Variants in SLC22A3 observed in about 807,000 individuals in gnomAD.
SLC22A3 encodes solute carrier family 22 member 3, also known as EMT organic cation transporter 3.
In SLC22A3, 51 loss-of-function variants were observed where a neutral mutation model predicts 59.1. The ratio of observed to expected loss-of-function variants is 0.86; its 90% confidence interval spans 0.69 to 1.09. The LOEUF (loss-of-function observed/expected upper bound fraction) is 1.09. SLC22A3 is among the 50% of genes least tolerant of loss of function. The pLI, the probability that SLC22A3 is intolerant of heterozygous loss-of-function variation, is 0.00. For missense variants in SLC22A3, 711 were observed against 726.3 expected, an observed-to-expected ratio of 0.98 and a Z score of 0.24; for synonymous variants, 325 against 292.0, an observed-to-expected ratio of 1.11 and a Z score of -1.15.
intron 5 of SLC22A3, among the ~76,000 whole-genome samples, chr6:160,417,357 A>G (rs1214182294): frequency 6.6e-6 from 1 of 152,182 alleles, no homozygotes; most frequent in Non-Finnish European, 1.5e-5. Context: ...GCAGCAGCTG[A>G]CCTACAGCTG....
intron 1 of SLC22A3, among the ~76,000 whole-genome samples, chr6:160,385,226 G>C (rs1785955725): frequency 6.6e-6 from 1 of 152,162 alleles, no homozygotes; most frequent in African/African-American, 2.4e-5. Context: ...CTCCAGTTCT[G>C]CTCTTCTGAA....
At chr6:160,450,861 ATTG>A (rs1316764810) in intron 10 of SLC22A3, 132 bp from the exon 11 acceptor site, 2 of 824,156 alleles carry the variant, frequency 2.4e-6, no homozygotes, top group African/African-American at 1.7e-5. Context: ...GGAGACAGAT[ATTG>A]TTGTTACCTT....
chr6:160,429,612 T>C (rs773293584), intron 5 of SLC22A3, among the ~76,000 whole-genome samples: 13 of 152,290 alleles, frequency 8.5e-5, no homozygotes, highest in Middle Eastern at 3.4e-3. Flanking sequence ...GCAGTTAAAA[T>C]GCAGATTCTC....
At chr6:160,397,677 T>C (rs1786543499) in intron 1 of SLC22A3, among the ~76,000 whole-genome samples, 1 of 140,614 alleles carries the variant, frequency 7.1e-6, no homozygotes, top group East Asian at 2.1e-4. Context: ...GAGGTTGCAG[T>C]AAGCAGAGAT....
In SLC22A3 at chr6:160,397,838, C is replaced by T. The variant is rs189288020; in HGVS notation, c.430-141C>T. On this transcript the variant is annotated intron_variant, in intron 1 of 10. Transcript: ENST00000275300. ...ATATTTATGTGTTAATGTAAACATA[C>T]GTATGTGATACATTTTCAAAATTTA... is the stretch of plus-strand genomic sequence containing the variant. 1,048 of 699,584 alleles carry T rather than the reference C, an allele frequency of 1.5e-3. 5 individuals are homozygous for T. In the African/African-American group the frequency reaches 0.016, roughly 11 times the overall value. 43.3% of individuals were successfully genotyped at this position (699,584 alleles called of 1,614,324 possible). A position where few individuals can be genotyped will look rare whatever the true frequency, so the allele number is the denominator to read the frequency against.
chr6:160,349,117 G>A lies in SLC22A3; in HGVS notation c.429+269G>A, dbSNP rs558994087. The A allele has an allele frequency of 1.0e-4, 100 of 972,608 alleles. No individual in the cohort carries two copies. In the African/African-American group the frequency reaches 1.7e-3, roughly 17 times the overall value. 60.2% of individuals were successfully genotyped at this position (972,608 alleles called of 1,614,324 possible). Reference sequence around the variant, plus strand: ...GTGAACAAAAACTTTCTTCGAAGCCGAGTTGTAAACGCCTGGCGCACGCCT... The same window carrying A: ...GTGAACAAAAACTTTCTTCGAAGCCAAGTTGTAAACGCCTGGCGCACGCCT... On this transcript the variant is annotated intron_variant, in intron 1 of 10. Coordinates refer to ENST00000275300, the MANE Select transcript of SLC22A3 (RefSeq NM_021977.4).
intron 1 of SLC22A3, among the ~76,000 whole-genome samples, chr6:160,393,979 A>G (rs934873458): frequency 6.6e-6 from 1 of 152,268 alleles, no homozygotes; most frequent in Non-Finnish European, 1.5e-5. Flanking sequence ...ACATTACACC[A>G]ACAGTTGTTT....
intron 1 of SLC22A3, among the ~76,000 whole-genome samples, chr6:160,380,113 T>G (rs1785741980): frequency 6.6e-6 from 1 of 152,150 alleles, no homozygotes; most frequent in South Asian, 2.1e-4. Context: ...GAAGGTCTGT[T>G]AGACATTTCA....
intron 1 of SLC22A3, among the ~76,000 whole-genome samples, chr6:160,365,509 G>T (rs1785174566): frequency 6.6e-6 from 1 of 152,182 alleles, no homozygotes; most frequent in Admixed American, 6.5e-5. Flanking sequence ...TCTAACACTT[G>T]CAGTTCCCAG....
chr6:160,436,782 C>G lies in SLC22A3; in HGVS notation c.978C>G (p.Ile326Met). 6.3e-7 allele frequency: 1 copy of G among 1,599,534 alleles called. No individual in the cohort carries two copies. Among genetic ancestry groups the G allele is most frequent in the Non-Finnish European group, 8.6e-7 (1 of 1,167,804 alleles). ...GKYLSSNYSE[I>M]TVTDEEVSNP... ...TGAAATCTGCTTTTCTTATATAGAT[C>G]ACTGTTACAGATGAGGAAGTTAGTA... Residue 326 changes from isoleucine to methionine, a missense_variant and splice_region_variant, in exon 6 of 11, where the codon ATC (isoleucine) becomes ATG (methionine). Ile to Met is a conservative substitution (Grantham distance 10). Coordinates refer to ENST00000275300, the MANE Select transcript of SLC22A3 (RefSeq NM_021977.4).
intron 2 of SLC22A3, among the ~76,000 whole-genome samples, chr6:160,398,614 A>G (rs1302486280): frequency 6.6e-6 from 1 of 152,162 alleles, no homozygotes; most frequent in East Asian, 1.9e-4. Context: ...CATAAATGCA[A>G]CTGCCCAGTG....
intron 5 of SLC22A3, among the ~76,000 whole-genome samples, chr6:160,429,494 G>A (rs1161887028): frequency 2.0e-5 from 3 of 152,108 alleles, no homozygotes; most frequent in African/African-American, 4.8e-5. Context: ...GAGGACTCAC[G>A]TTTCTGCACC....
intron 5 of SLC22A3, among the ~76,000 whole-genome samples, chr6:160,432,971 A>C (rs1400823722): frequency 6.6e-6 from 1 of 152,174 alleles, no homozygotes; most frequent in Non-Finnish European, 1.5e-5. Flanking sequence ...TTTCTCCAGC[A>C]CTAAGCCTCT....
chr6:160,443,062 A>G (rs1219124153), intron 8 of SLC22A3, among the ~76,000 whole-genome samples, 193 bp downstream of exon 8: 1 of 152,248 alleles, frequency 6.6e-6, no homozygotes, highest in Non-Finnish European at 1.5e-5. Context: ...ATTTTGTGAT[A>G]AAAGTATTTC....
chr6:160,402,117 C>T (rs1786808438), intron 2 of SLC22A3, among the ~76,000 whole-genome samples: 1 of 151,882 alleles, frequency 6.6e-6, no homozygotes, highest in African/African-American at 2.4e-5. Flanking sequence ...AAACAAGACC[C>T]AACCATATAT....
At chr6:160,391,723 T>G (rs1439766432) in intron 1 of SLC22A3, among the ~76,000 whole-genome samples, 1 of 152,190 alleles carries the variant, frequency 6.6e-6, no homozygotes, top group Non-Finnish European at 1.5e-5. Flanking sequence ...CTGCAAGCCT[T>G]CACTACAAAG....
chr6:160,447,663 G>A (rs1446224904), intron 9 of SLC22A3, 56 bp from the exon 10 acceptor site: 8 of 1,477,372 alleles, frequency 5.4e-6, no homozygotes, highest in Non-Finnish European at 7.6e-6. Context: ...AGGCCCCATG[G>A]GAGAGGGCCC....
chr6:160,379,847 G>A (rs893842075), intron 1 of SLC22A3, among the ~76,000 whole-genome samples: 2 of 152,102 alleles, frequency 1.3e-5, no homozygotes, highest in African/African-American at 2.4e-5. Flanking sequence ...ATCTGGACAG[G>A]CTTCTTTCAA....
chr6:160,428,775 T>A (rs1373860971), intron 5 of SLC22A3, among the ~76,000 whole-genome samples: 1 of 152,252 alleles, frequency 6.6e-6, no homozygotes, highest in Non-Finnish European at 1.5e-5. Context: ...GTGATAATTT[T>A]AATACAAATA....
Sources: allele counts gnomAD v4.1 joint callset (sites outside exome capture counted in the v4.1 genomes callset), GRCh38; gene constraint gnomAD v4.1.1; transcripts MANE v1.5; gene names NCBI Gene and HGNC (gene_info 2026-07-23, HGNC 2026-07-21).